ATP5F1A: variants seen among roughly 807,000 people sequenced by gnomAD.
The protein encoded by ATP5F1A is ATP synthase F(1) complex subunit alpha, mitochondrial.
A neutral mutation model predicts 57.4 loss-of-function variants in ATP5F1A; 24 were observed. That is an observed-to-expected ratio of 0.42 (90% CI 0.30 to 0.59). ATP5F1A has a LOEUF of 0.59. Among genes scored for constraint, ATP5F1A ranks in the 20% least tolerant of loss-of-function variants. The pLI is 0.19. For synonymous variants in ATP5F1A, 251 were observed against 255.5 expected, an observed-to-expected ratio of 0.98 and a Z score of 0.17; for missense variants, 494 against 707.9, an observed-to-expected ratio of 0.70 and a Z score of 3.43.
chr18:46,094,892 T>C lies in ATP5F1A; in HGVS notation c.139+161A>G, dbSNP rs1039252776. On this transcript the variant is annotated intron_variant, in intron 2 of 11. Transcript: ENST00000398752. The stretch of plus-strand genomic sequence containing the variant: ...TCATTTGACTATAACAAGAGAACCA[T>C]GACAGGGCTAAATGGTAACAATATG... 12 of 1,132,550 alleles carry C rather than the reference T, an allele frequency of 1.1e-5. No homozygotes were observed. The African/African-American group carries it at 1.7e-4, about 16-fold the overall frequency. 70.2% of individuals were successfully genotyped at this position (1,132,550 alleles called of 1,614,324 possible). A position where few individuals can be genotyped will look rare whatever the true frequency, so the allele number is the denominator to read the frequency against.
At chr18:46,090,043 C>T (rs769163479) in intron 3 of ATP5F1A, 47 bp from the exon 4 acceptor site, 5 of 1,402,710 alleles carry the variant, frequency 3.6e-6, no homozygotes, top group Non-Finnish European at 4.8e-6. Flanking sequence ...AATGGGCACT[C>T]CTCCCCATAC....
upstream of ATP5F1A, among the ~76,000 whole-genome samples, chr18:46,098,951 G>C (rs996186579): frequency 1.3e-5 from 2 of 152,134 alleles, no homozygotes; most frequent in Non-Finnish European, 1.5e-5. Context: ...CCTGATAACC[G>C]GGGGAGGGGA....
intron 1 of ATP5F1A, among the ~76,000 whole-genome samples, chr18:46,097,553 A>G (rs1254857564): frequency 2.0e-5 from 3 of 152,182 alleles, no homozygotes; most frequent in African/African-American, 7.2e-5. Flanking sequence ...AACCAGCTTC[A>G]CTGTTGTCAC....
In ATP5F1A at chr18:46,081,682, A is replaced by AAAAAAAAAAAAAAAC. The variant is rs1909754872; in HGVS notation, c.*2599_*2600insGTTTTTTTTTTTTTT. The stretch of plus-strand genomic sequence containing the variant: ...TCTCAAAAAAAAAAAACAAAAAAAA[A>AAAAAAAAAAAAAAAC]AAAAAAAAAAAAAAACGAAATGTGC... On this transcript the variant is annotated 3_prime_UTR_variant, in exon 12 of 12. Coordinates refer to ENST00000398752, the MANE Select transcript of ATP5F1A (RefSeq NM_004046.6). 2.9e-5 allele frequency: 3 copies of AAAAAAAAAAAAAAAC among 102,324 alleles called. No homozygotes were observed. The highest frequency in any genetic ancestry group is 5.9e-4 in the South Asian group (2 of 3,396). The allele number at this position is 102,324 out of a possible 1,614,324, so 6.3% of individuals were successfully genotyped here. A position where few individuals can be genotyped will look rare whatever the true frequency, so the allele number is the denominator to read the frequency against.
upstream of ATP5F1A, among the ~76,000 whole-genome samples, chr18:46,101,999 C>T (rs981107444): frequency 1.3e-5 from 2 of 151,894 alleles, no homozygotes; most frequent in African/African-American, 4.8e-5. Context: ...ATGGTGAAAC[C>T]CTGTCTCTAC....
intron 1 of ATP5F1A, among the ~76,000 whole-genome samples, chr18:46,095,535 T>A (rs1363070801): frequency 3.3e-5 from 5 of 152,156 alleles, no homozygotes; most frequent in African/African-American, 1.2e-4. Flanking sequence ...CAGGCTGGTC[T>A]CGAACTCCTG....
chr18:46,084,209 C>CT lies in ATP5F1A; in HGVS notation c.*72dup. The CT allele has an allele frequency of 7.5e-7, 1 of 1,336,738 alleles. No homozygotes were observed. The highest frequency in any genetic ancestry group is 1.1e-6 in the Non-Finnish European group (1 of 950,640). 82.8% of individuals were successfully genotyped at this position (1,336,738 alleles called of 1,614,324 possible). ...GTACATAAGGAGTATGAGAGTAACCCTTTTACAAATGGAACTAATTTACTA... is the reference window on the plus strand; with the variant it reads ...GTACATAAGGAGTATGAGAGTAACCCTTTTTACAAATGGAACTAATTTACTA... On this transcript the variant is annotated 3_prime_UTR_variant, in exon 12 of 12. Transcript: ENST00000398752.
chr18:46,084,898 G>T, intron 10 of ATP5F1A: 1 of 374,792 alleles, frequency 2.7e-6, no homozygotes, highest in Non-Finnish European at 4.7e-6. Context: ...CATAAGCACT[G>T]TTTATAATCT....
In ATP5F1A at chr18:46,088,269, GA is replaced by G. The variant is rs1910272169; in HGVS notation, c.651-13del. ...CAATTGAGGTTTTCCTTTAAAAAGAGAAAGTAAATATAAATCTTCCTAAACT... is the reference window on the plus strand; with the variant it reads ...CAATTGAGGTTTTCCTTTAAAAAGAGAAGTAAATATAAATCTTCCTAAACT... On this transcript the variant is annotated splice_polypyrimidine_tract_variant and intron_variant, in intron 5 of 11. Coordinates refer to ENST00000398752, the MANE Select transcript of ATP5F1A (RefSeq NM_004046.6). The G allele has an allele frequency of 6.4e-7, 1 of 1,564,890 alleles. No homozygotes were observed. The highest frequency in any genetic ancestry group is 1.4e-5 in the African/African-American group (1 of 72,048).
upstream of ATP5F1A, among the ~76,000 whole-genome samples, chr18:46,100,310 A>G (rs915308419): frequency 6.6e-6 from 1 of 151,934 alleles, no homozygotes; most frequent in Non-Finnish European, 1.5e-5. Context: ...AAGGCTGTCC[A>G]AGTAAAATAA....
Position 46,092,845 on chromosome 18 carries a change from A to G in ATP5F1A, c.140-994T>C, listed in dbSNP as rs551252334. Among the ~76,000 whole-genome samples, 8 of 152,282 alleles carry G rather than the reference A, an allele frequency of 5.3e-5. No individual in the cohort carries two copies. In the South Asian group the frequency reaches 1.0e-3, roughly 20 times the overall value. The stretch of plus-strand genomic sequence containing the variant: ...ATTTTTGGCTAAATTCAATAAAAAC[A>G]TATTTTAAAAACCAACTGTTGGCCA... On this transcript the variant is annotated intron_variant, in intron 2 of 11. Transcript: ENST00000398752.
chr18:46,101,380 C>G (rs1187545445), upstream of ATP5F1A, among the ~76,000 whole-genome samples: 1 of 151,872 alleles, frequency 6.6e-6, no homozygotes, highest in African/African-American at 2.4e-5. Flanking sequence ...GCCTGGCCAA[C>G]ATGGCAAAAC....
chr18:46,098,445 C>T, upstream of ATP5F1A: 2 of 1,339,954 alleles, frequency 1.5e-6, no homozygotes, highest in Non-Finnish European at 9.6e-7. Flanking sequence ...TAAGTTTAAA[C>T]CTCAAAATGA....
intron 1 of ATP5F1A, among the ~76,000 whole-genome samples, chr18:46,097,165 T>C (rs1016826770): frequency 1.3e-5 from 2 of 152,060 alleles, no homozygotes; most frequent in Admixed American, 6.6e-5. Context: ...CTGTCAATTC[T>C]GAAGCCTCTA....
At chr18:46,088,725 T>A (rs1430444486) in intron 5 of ATP5F1A, 1 of 153,888 alleles carries the variant, frequency 6.5e-6, no homozygotes, top group Non-Finnish European at 1.4e-5. Context: ...CCCAGCCCGA[T>A]ACTCGTAAAG....
At chr18:46,092,044 G>T (rs1910592895) in intron 2 of ATP5F1A, 193 bp from the exon 3 acceptor site, 1 of 399,098 alleles carries the variant, frequency 2.5e-6, no homozygotes, top group Non-Finnish European at 4.4e-6. Context: ...GGTGGCACAT[G>T]CCTGTAATCC....
intron 1 of ATP5F1A, chr18:46,097,764 A>T: frequency 2.0e-6 from 2 of 990,926 alleles, no homozygotes; most frequent in Non-Finnish European, 1.2e-6. Flanking sequence ...GACTAGCTTC[A>T]ACAAGAGCTG....
At chr18:46,086,518 G>T (rs749037687) in intron 8 of ATP5F1A, 24 bp from the exon 9 acceptor site, 1 of 1,589,922 alleles carries the variant, frequency 6.3e-7, no homozygotes, top group South Asian at 1.1e-5. Context: ...AAATACGCAC[G>T]CTAGCAAGCT....
Position 46,080,645 on chromosome 18 carries a change from T to C in ATP5F1A, c.*3637A>G, listed in dbSNP as rs1323986511. 1.5e-5 allele frequency: 2 copies of C among 134,570 alleles called. No homozygotes were observed. Among genetic ancestry groups the C allele is most frequent in the Non-Finnish European group, 3.3e-5 (2 of 60,270 alleles). The allele number at this position is 134,570 out of a possible 1,614,324, so 8.3% of individuals were successfully genotyped here. ...AACTTTTTTTAAGAGTCAGGGTCTC[T>C]GTCACCTAGGCTGGAGTGCAGTGGC... is the stretch of plus-strand genomic sequence containing the variant. On this transcript the variant is annotated 3_prime_UTR_variant, in exon 12 of 12. Transcript: ENST00000398752.
Sources: allele counts gnomAD v4.1 joint callset (sites outside exome capture counted in the v4.1 genomes callset), GRCh38; gene constraint gnomAD v4.1.1; transcripts MANE v1.5; gene names NCBI Gene and HGNC (gene_info 2026-07-23, HGNC 2026-07-21).